Variants in TMEM108 observed in about 807,000 individuals in gnomAD.
TMEM108 encodes the protein cancer/testis antigen 124.
Under a neutral mutation model 35.1 loss-of-function variants are expected in TMEM108, and 12 were observed. The observed-to-expected ratio is 0.34, with a 90% CI of 0.22 to 0.55. The LOEUF (loss-of-function observed/expected upper bound fraction) is 0.55. Ranked by LOEUF, TMEM108 falls within the 20% of genes least tolerant of loss-of-function variation. TMEM108 has a pLI of 0.89. For synonymous variants in TMEM108, 287 were observed against 308.6 expected (o/e 0.93, Z 0.73); for missense variants, 680 against 753.3 (o/e 0.90, Z 1.14).
intron 3 of TMEM108, among the ~76,000 whole-genome samples, chr3:133,255,964 C>T (rs1417202677): frequency 2.6e-5 from 4 of 152,134 alleles, no homozygotes; most frequent in Non-Finnish European, 5.9e-5. Flanking sequence ...ACTCCAGCCT[C>T]TGCACTGGCT....
intron 3 of TMEM108, among the ~76,000 whole-genome samples, chr3:133,332,906 A>G (rs2071414711): frequency 6.6e-6 from 1 of 152,258 alleles, no homozygotes. Flanking sequence ...TCCAAGTATC[A>G]GATCCCTGAG....
chr3:133,281,632 A>C (rs1335097862), intron 3 of TMEM108, among the ~76,000 whole-genome samples: 1 of 152,222 alleles, frequency 6.6e-6, no homozygotes, highest in Non-Finnish European at 1.5e-5. Flanking sequence ...GGGTGGTGAT[A>C]ATGAGGCATG....
At chr3:133,168,801 G>A (rs1945083662) in intron 2 of TMEM108, among the ~76,000 whole-genome samples, 1 of 152,116 alleles carries the variant, frequency 6.6e-6, no homozygotes, top group Admixed American at 6.5e-5. Context: ...GGTTTACTTT[G>A]CCTTTATGAG....
At chr3:133,248,632 A>G (rs1211759326) in intron 3 of TMEM108, 1 of 152,236 alleles carries the variant, frequency 6.6e-6, no homozygotes. Flanking sequence ...GTAGCAGGAT[A>G]GAGGTACTGG....
chr3:133,252,565 T>A (rs932034842), intron 3 of TMEM108, among the ~76,000 whole-genome samples: 3 of 152,236 alleles, frequency 2.0e-5, no homozygotes, highest in Admixed American at 1.3e-4. Flanking sequence ...TAAGAAAGTC[T>A]TGTTTCTTAA....
intron 2 of TMEM108, among the ~76,000 whole-genome samples, chr3:133,072,944 A>G (rs908598459): frequency 3.3e-5 from 5 of 152,096 alleles, no homozygotes; most frequent in African/African-American, 4.8e-5. Context: ...TTACTTAGCA[A>G]ATGTTTCCAA....
chr3:133,289,597 A>G (rs1396141284), intron 3 of TMEM108, among the ~76,000 whole-genome samples: 2 of 152,212 alleles, frequency 1.3e-5, no homozygotes, highest in Non-Finnish European at 2.9e-5. Flanking sequence ...ATCAATGTGG[A>G]ACAGGAACTG....
chr3:133,219,334 GTC>G lies in TMEM108; in HGVS notation c.-46-9926_-46-9925del, dbSNP rs1292376379. 2.0e-5 allele frequency among the ~76,000 whole-genome samples: 3 copies of G among 151,712 alleles called. No individual in the cohort carries two copies. In the East Asian group the frequency reaches 5.8e-4, roughly 29 times the overall value. ...ATTGATCTTTTCTATTGTTTATATG[GTC>G]TCTCTGTCATTTATTTATGCTTTGG... On this transcript the variant is annotated intron_variant, in intron 2 of 5. Transcript: ENST00000321871.
At chr3:133,229,789 C>G (rs1946125679) in intron 3 of TMEM108, among the ~76,000 whole-genome samples, 1 of 152,168 alleles carries the variant, frequency 6.6e-6, no homozygotes, top group Non-Finnish European at 1.5e-5. Context: ...CACATAGAAC[C>G]TGTTGCCATA....
chr3:133,312,786 G>A (rs2071150408), intron 3 of TMEM108, among the ~76,000 whole-genome samples: 1 of 152,218 alleles, frequency 6.6e-6, no homozygotes, highest in African/African-American at 2.4e-5. Flanking sequence ...ACTTGGAAAT[G>A]CAGAAATCAC....
At position 133,309,682 on chromosome 3, in the gene TMEM108, C is replaced by CTTTTTTTTTTTTT. The variant is rs148272827; in HGVS notation, c.41-70046_41-70034dup. ...TAGTTATGCGGGTTTGAGTGAGTTT[C>CTTTTTTTTTTTTT]TTTTTTTTTTTTTTTTTTTTTTTTT... On this transcript the variant is annotated intron_variant, in intron 3 of 5. Coordinates refer to ENST00000321871, the MANE Select transcript of TMEM108 (RefSeq NM_023943.4). 2.3e-4 allele frequency among the ~76,000 whole-genome samples: 16 copies of CTTTTTTTTTTTTT among 69,190 alleles called. 3 individuals are homozygous for CTTTTTTTTTTTTT. Among genetic ancestry groups the CTTTTTTTTTTTTT allele is most frequent in the South Asian group, 5.1e-4 (1 of 1,946 alleles). The allele number at this position is 69,190 out of a possible 152,430, so 45.4% of individuals were successfully genotyped here.
intron 2 of TMEM108, among the ~76,000 whole-genome samples, chr3:133,158,405 TCA>T (rs1460930350): frequency 7.5e-6 from 1 of 134,014 alleles, no homozygotes; most frequent in Non-Finnish European, 1.5e-5. Context: ...GAGGCGGAGG[TCA>T]CAGTGAGCCG....
At chr3:133,143,301 A>G (rs1371483132) in intron 2 of TMEM108, among the ~76,000 whole-genome samples, 2 of 152,124 alleles carry the variant, frequency 1.3e-5, no homozygotes, top group Non-Finnish European at 2.9e-5. Context: ...CCTAATCTGA[A>G]TCTTTTAAAA....
At chr3:133,276,010 A>G (rs78600730) in intron 3 of TMEM108, among the ~76,000 whole-genome samples, 2,187 of 152,236 alleles carry the variant, frequency 0.014, 62 homozygotes, top group African/African-American at 0.05. Context: ...TGGTTAAATC[A>G]TCTCCCTTGT....
intron 4 of TMEM108, chr3:133,388,894 C>A: frequency 1.0e-6 from 1 of 985,676 alleles, no homozygotes; most frequent in Non-Finnish European, 1.2e-6. Flanking sequence ...CTGCTGCGAA[C>A]AGAGCTGGCC....
At chr3:133,363,940 C>T (rs775986311) in intron 3 of TMEM108, among the ~76,000 whole-genome samples, 14 of 152,320 alleles carry the variant, frequency 9.2e-5, no homozygotes, top group African/African-American at 2.6e-4. Flanking sequence ...TTATACTTAA[C>T]GGTACACAAC....
intron 3 of TMEM108, among the ~76,000 whole-genome samples, chr3:133,244,200 T>C (rs953312661): frequency 6.6e-6 from 1 of 152,202 alleles, no homozygotes; most frequent in Non-Finnish European, 1.5e-5. Flanking sequence ...ATTGGTTTAA[T>C]ATATACAAAG....
chr3:133,080,127 A>G (rs1378833746), intron 2 of TMEM108, among the ~76,000 whole-genome samples: 1 of 152,212 alleles, frequency 6.6e-6, no homozygotes, highest in Non-Finnish European at 1.5e-5. Flanking sequence ...TTCCCTACAC[A>G]TGAAAAAGAA....
chr3:133,203,335 C>T (rs896797901), intron 2 of TMEM108, among the ~76,000 whole-genome samples: 4 of 152,084 alleles, frequency 2.6e-5, no homozygotes, highest in African/African-American at 7.3e-5. Context: ...CTATGTTGAA[C>T]AGGAGTGGTG....
Sources: allele counts gnomAD v4.1 joint callset (sites outside exome capture counted in the v4.1 genomes callset), GRCh38; gene constraint gnomAD v4.1.1; transcripts MANE v1.5; gene names NCBI Gene and HGNC (gene_info 2026-07-23, HGNC 2026-07-21).